The following SPRY3 variants were observed in gnomAD, a reference collection of about 807,000 sequenced individuals.
SPRY3 encodes the protein protein sprouty homolog 3.
A neutral mutation model predicts 20.2 loss-of-function variants in SPRY3; 15 were observed. The observed-to-expected ratio is 0.74, with a 90% CI of 0.50 to 1.14. SPRY3 has a LOEUF of 1.14. SPRY3 is among the 50% of genes most tolerant of loss of function. SPRY3 has a pLI of 0.00. For synonymous variants in SPRY3, 143 were observed against 136.5 expected (o/e 1.05, Z -0.33); for missense variants, 364 against 363.9 (o/e 1.00, Z 0.00).
At chrX:155,740,473 A>C (rs1453452902) in intron 2 of SPRY3, among the ~76,000 whole-genome samples, 1 of 152,096 alleles carries the variant, frequency 6.6e-6, no homozygotes, top group East Asian at 1.9e-4. Flanking sequence ...AGACCCTGGG[A>C]AAGGAATGCA....
chrX:155,619,911 G>A (rs2067865798), intron 1 of SPRY3, among the ~76,000 whole-genome samples: 1 of 111,244 alleles, frequency 9.0e-6, no homozygotes, highest in Admixed American at 9.6e-5. Flanking sequence ...GAAGATGTAC[G>A]AATGGCCAAT....
At chrX:155,614,020 A>G (rs1338609242) in intron 1 of SPRY3, among the ~76,000 whole-genome samples, 2 of 112,104 alleles carry the variant, frequency 1.8e-5, no homozygotes, top group Non-Finnish European at 3.8e-5. Context: ...AATTTCTAGA[A>G]CCAGTGTGTA....
chrX:155,773,295 T>G (rs1046178543), intron 3 of SPRY3, among the ~76,000 whole-genome samples: 2 of 134,386 alleles, frequency 1.5e-5, no homozygotes, highest in African/African-American at 2.8e-5. Flanking sequence ...ACTGAAAAGA[T>G]AATTTTGATT....
chrX:155,654,756 C>A (rs2067987167), intron 1 of SPRY3, among the ~76,000 whole-genome samples: 1 of 104,655 alleles, frequency 9.6e-6, no homozygotes, highest in African/African-American at 3.5e-5. Flanking sequence ...TCTTCTTTAT[C>A]TAATCATCTG....
At chrX:155,756,889 G>A (rs1360199699) in intron 2 of SPRY3, among the ~76,000 whole-genome samples, 1 of 151,968 alleles carries the variant, frequency 6.6e-6, no homozygotes, top group Non-Finnish European at 1.5e-5. Flanking sequence ...GTATTTTGAT[G>A]GAACAAAATA....
At chrX:155,708,292 T>C (rs904817766) in intron 2 of SPRY3, among the ~76,000 whole-genome samples, 13 of 151,466 alleles carry the variant, frequency 8.6e-5, no homozygotes, top group Admixed American at 2.6e-4. Context: ...AATAACATAG[T>C]ATTCTTGCTC....
At chrX:155,770,509 T>G (rs2091374051) in intron 3 of SPRY3, among the ~76,000 whole-genome samples, 1 of 152,142 alleles carries the variant, frequency 6.6e-6, no homozygotes, top group Non-Finnish European at 1.5e-5. Context: ...GGAGTGGGTT[T>G]ACAATGCATC....
intron 2 of SPRY3, among the ~76,000 whole-genome samples, chrX:155,762,605 A>T (rs1367105365): frequency 1.3e-5 from 2 of 152,148 alleles, no homozygotes; most frequent in Non-Finnish European, 2.9e-5. Context: ...ATAAAAGAGA[A>T]ATCAGGATGA....
At chrX:155,716,984 ATATATATAT>A (rs1569384496) in intron 2 of SPRY3, among the ~76,000 whole-genome samples, 2 of 118,876 alleles carry the variant, frequency 1.7e-5, no homozygotes, top group African/African-American at 3.5e-5. Flanking sequence ...AATACAAAAT[ATATATATAT>A]ATATATATAT....
chrX:155,654,009 C>T (rs1459684598), intron 1 of SPRY3, among the ~76,000 whole-genome samples: 1 of 111,949 alleles, frequency 8.9e-6, no homozygotes, highest in Non-Finnish European at 1.9e-5. Flanking sequence ...CTCAACCCTG[C>T]AATACTGTGT....
At chrX:155,775,545 G>C (rs2091419342) in exon 4 of SPRY3, 1 of 167,100 alleles carries the variant, frequency 6.0e-6, no homozygotes, top group Non-Finnish European at 1.5e-5. Context: ...ACTAGCAATA[G>C]TGTGTATCCC....
At chrX:155,716,320 G>T (rs2091022223) in intron 2 of SPRY3, among the ~76,000 whole-genome samples, 1 of 151,936 alleles carries the variant, frequency 6.6e-6, no homozygotes, top group African/African-American at 2.4e-5. Context: ...TTTTTATTTT[G>T]TTCTTTATGT....
chrX:155,755,942 G>C (rs1162313662), intron 2 of SPRY3, among the ~76,000 whole-genome samples: 1 of 152,030 alleles, frequency 6.6e-6, no homozygotes, highest in Non-Finnish European at 1.5e-5. Flanking sequence ...AGGTGGCTGG[G>C]GAGAGAAAGT....
At chrX:155,751,854 A>G (rs1328536671) in intron 2 of SPRY3, among the ~76,000 whole-genome samples, 12 of 151,374 alleles carry the variant, frequency 7.9e-5, no homozygotes, top group East Asian at 7.8e-4. Flanking sequence ...AGTAAGAGAC[A>G]TATAGATATT....
intron 2 of SPRY3, among the ~76,000 whole-genome samples, chrX:155,719,954 C>T (rs1421110585): frequency 6.6e-6 from 1 of 152,060 alleles, no homozygotes; most frequent in East Asian, 1.9e-4. Flanking sequence ...CCGGAGGTAC[C>T]AGCTCAGCCA....
At chrX:155,781,761 CTAAG>C (rs1193508076), downstream of SPRY3, 1 of 166,930 alleles carries the variant, frequency 6.0e-6, no homozygotes. Flanking sequence ...ATATGTGGGG[CTAAG>C]TCTCTAAAAC....
intron 2 of SPRY3, among the ~76,000 whole-genome samples, chrX:155,734,542 A>T (rs1359085046): frequency 6.6e-6 from 1 of 152,052 alleles, no homozygotes; most frequent in Non-Finnish European, 1.5e-5. Context: ...AAAAAGTTTG[A>T]AATACTGTAA....
intron 2 of SPRY3, among the ~76,000 whole-genome samples, chrX:155,729,684 G>C (rs893118252): frequency 6.6e-6 from 1 of 151,330 alleles, no homozygotes; most frequent in South Asian, 2.1e-4. Context: ...CAAACCAAAA[G>C]TTAGTAGAGA....
At chrX:155,769,278 G>C (rs1381844893) in intron 3 of SPRY3, among the ~76,000 whole-genome samples, 1 of 152,176 alleles carries the variant, frequency 6.6e-6, no homozygotes, top group African/African-American at 2.4e-5. Context: ...GAGGAGTTGA[G>C]TAGTGAGGAA....
Sources: gnomAD v4.1 joint callset for allele counts (sites outside exome capture counted in the v4.1 genomes callset) on GRCh38, gnomAD v4.1.1 for gene constraint, MANE v1.5 for transcripts, NCBI Gene and HGNC (gene_info 2026-07-23, HGNC 2026-07-21) for gene names.